ADAM23: variants seen among roughly 807,000 people sequenced by gnomAD.
The protein encoded by ADAM23 is disintegrin and metalloproteinase domain-containing protein 23.
In ADAM23, 33 loss-of-function variants were observed where a neutral mutation model predicts 120.1. That is an observed-to-expected ratio of 0.27 (90% confidence interval 0.21 to 0.37). The LOEUF (loss-of-function observed/expected upper bound fraction) is 0.37. Among genes scored for constraint, ADAM23 ranks in the 10% least tolerant of loss-of-function variants. The pLI, the probability that ADAM23 is intolerant of heterozygous loss-of-function variation, is 1.00. For synonymous variants in ADAM23, 367 were observed against 375.2 expected, an observed-to-expected ratio of 0.98 and a Z score of 0.25; for missense variants, 862 against 1,058.2, an observed-to-expected ratio of 0.81 and a Z score of 2.57.
intron 2 of ADAM23, among the ~76,000 whole-genome samples, chr2:206,460,432 A>G (rs866220561): frequency 6.6e-6 from 1 of 152,156 alleles, no homozygotes; most frequent in Admixed American, 6.5e-5. Context: ...CACTCTAATG[A>G]GTATGAAGTG....
intron 2 of ADAM23, among the ~76,000 whole-genome samples, chr2:206,459,498 G>T (rs1265077315): frequency 6.6e-6 from 1 of 151,980 alleles, no homozygotes; most frequent in Non-Finnish European, 1.5e-5. Flanking sequence ...AGAGTTCTTG[G>T]ACTTCCCTTA....
intron 3 of ADAM23, among the ~76,000 whole-genome samples, chr2:206,510,085 C>G (rs1166554626): frequency 1.3e-5 from 2 of 152,114 alleles, no homozygotes. Context: ...TAGTTCCTTC[C>G]TAGTTTTTGC....
chr2:206,464,771 G>A (rs550960996), intron 2 of ADAM23, among the ~76,000 whole-genome samples: 6 of 152,034 alleles, frequency 3.9e-5, no homozygotes, highest in East Asian at 1.9e-4. Context: ...AGAACTGGGC[G>A]GGGGAGGCTA....
chr2:206,558,591 C>T (rs1053804810), intron 10 of ADAM23, among the ~76,000 whole-genome samples: 1 of 152,122 alleles, frequency 6.6e-6, no homozygotes, highest in Non-Finnish European at 1.5e-5. Context: ...TATTAATTTT[C>T]TTTAATTTCA....
At chr2:206,480,066 T>C (rs1219356980) in intron 2 of ADAM23, among the ~76,000 whole-genome samples, 2 of 152,024 alleles carry the variant, frequency 1.3e-5, no homozygotes, top group African/African-American at 4.8e-5. Context: ...CCCTGTGATA[T>C]ATGTTGTGGA....
intron 6 of ADAM23, among the ~76,000 whole-genome samples, chr2:206,546,970 A>G (rs1697411731): frequency 6.6e-6 from 1 of 152,130 alleles, no homozygotes; most frequent in Non-Finnish European, 1.5e-5. Context: ...CTATGCTACC[A>G]ATTTCCTCTT....
intron 14 of ADAM23, 70 bp from the exon 15 acceptor site, chr2:206,567,153 G>A (rs1697902418): frequency 8.6e-7 from 1 of 1,167,902 alleles, no homozygotes; most frequent in African/African-American, 1.5e-5. Context: ...CTAATTTAGG[G>A]GTTTTAATTT....
intron 3 of ADAM23, among the ~76,000 whole-genome samples, chr2:206,514,510 T>C (rs959986759): frequency 1.3e-5 from 2 of 152,156 alleles, no homozygotes; most frequent in Admixed American, 6.5e-5. Context: ...AAGAGTTACT[T>C]AAGTGGTTTC....
At chr2:206,481,573 A>G (rs1405934289) in intron 3 of ADAM23, among the ~76,000 whole-genome samples, 1 of 152,224 alleles carries the variant, frequency 6.6e-6, no homozygotes, top group Non-Finnish European at 1.5e-5. Flanking sequence ...CCAGTTAATT[A>G]AATGTTAATT....
intron 3 of ADAM23, among the ~76,000 whole-genome samples, chr2:206,498,367 C>CT (rs1473746454): frequency 6.6e-6 from 1 of 152,146 alleles, no homozygotes; most frequent in African/African-American, 2.4e-5. Context: ...ACTATCTGAT[C>CT]TTTGACAAAC....
Position 206,594,863 on chromosome 2 carries a change from C to G in ADAM23, c.2205C>G (p.Ser735Arg), listed in dbSNP as rs771318045. 6.2e-7 allele frequency: 1 copy of G among 1,613,976 alleles called. No individual in the cohort carries two copies. Among genetic ancestry groups the G allele is most frequent in the African/African-American group, 1.3e-5 (1 of 74,914 alleles). Reference protein sequence around the residue: ...CLQIQALNMSSCPLDSKGKVC... With the variant: ...CLQIQALNMSRCPLDSKGKVC... ...AAATTCAAGCCCTAAATATGAGCAG[C>G]TGTCCACTCGATTCCAAGGGTAAAG... Residue 735 changes from serine (S) to arginine (R), a missense_variant, in exon 23 of 26, where the codon AGC becomes AGG. Transcript: ENST00000264377.
chr2:206,547,226 T>G lies in ADAM23; in HGVS notation c.721-203T>G, dbSNP rs183105056. Among the ~76,000 whole-genome samples the G allele has an allele frequency of 4.5e-4, 69 of 152,332 alleles. 1 individual carries two copies. Among genetic ancestry groups the G allele is most frequent in the African/African-American group, 1.4e-3 (60 of 41,586 alleles). The stretch of plus-strand genomic sequence containing the variant: ...AAGAGTAACCAGTAACACTATGTTT[T>G]TATCTAAACTGGGGCAATTAGATGA... On this transcript the variant is annotated intron_variant, in intron 6 of 25. Coordinates refer to ENST00000264377, the MANE Select transcript of ADAM23 (RefSeq NM_003812.4).
chr2:206,543,514 A>T (rs1461298139), intron 6 of ADAM23, among the ~76,000 whole-genome samples, 198 bp downstream of exon 6: 2 of 152,190 alleles, frequency 1.3e-5, no homozygotes, highest in African/African-American at 4.8e-5. Context: ...ATAGTAAAAG[A>T]CATCAAACAT....
chr2:206,492,074 T>TA (rs765838563), intron 3 of ADAM23, among the ~76,000 whole-genome samples: 3 of 152,182 alleles, frequency 2.0e-5, no homozygotes, highest in Non-Finnish European at 4.4e-5. Context: ...TCATGAAGCT[T>TA]ATAGAACAAT....
chr2:206,607,175 G>A (rs1259555309), intron 24 of ADAM23: 1 of 152,208 alleles, frequency 6.6e-6, no homozygotes. Flanking sequence ...TATGGACTGT[G>A]AAGCTGGTTA....
rs189507190 is a variant in ADAM23, at chr2:206,483,299, A to G, written c.509+1991A>G. ...CTGAAATGGGCAGTACCAGGGAACA[A>G]ACAGGTTAAATGGTGAAGGGAAGAG... On this transcript the variant is annotated intron_variant, in intron 3 of 25. Coordinates refer to ENST00000264377, the MANE Select transcript of ADAM23 (RefSeq NM_003812.4). 4.9e-3 allele frequency among the ~76,000 whole-genome samples: 747 copies of G among 152,264 alleles called. 2 individuals are homozygous for G. Among genetic ancestry groups the G allele is most frequent in the Middle Eastern group, 0.014 (4 of 294 alleles).
At position 206,528,287 on chromosome 2, in the gene ADAM23, A is replaced by G. The variant is rs570524381; in HGVS notation, c.510-2598A>G. 9.5e-4 allele frequency among the ~76,000 whole-genome samples: 144 copies of G among 152,356 alleles called. 1 individual carries two copies. The highest frequency in any genetic ancestry group is 3.3e-3 in the African/African-American group (139 of 41,582). On this transcript the variant is annotated intron_variant, in intron 3 of 25. Coordinates refer to ENST00000264377, the MANE Select transcript of ADAM23 (RefSeq NM_003812.4). ...GTGCTGGTAGCCAACTTAATTAACTAGCAGTGAAATAAGTTTCTGCACCCT... is the reference window on the plus strand; with the variant it reads ...GTGCTGGTAGCCAACTTAATTAACTGGCAGTGAAATAAGTTTCTGCACCCT...
intron 3 of ADAM23, among the ~76,000 whole-genome samples, chr2:206,517,463 A>G (rs1285547775): frequency 6.6e-6 from 1 of 152,108 alleles, no homozygotes. Flanking sequence ...TTCATCAACA[A>G]ATGTTAGAAT....
intron 3 of ADAM23, among the ~76,000 whole-genome samples, chr2:206,520,794 G>A (rs981588539): frequency 1.3e-5 from 2 of 152,030 alleles, no homozygotes; most frequent in Non-Finnish European, 2.9e-5. Flanking sequence ...AGCCTTCCAA[G>A]TTCTGAGTTC....
Sources: allele counts gnomAD v4.1 joint callset (sites outside exome capture counted in the v4.1 genomes callset), GRCh38; gene constraint gnomAD v4.1.1; transcripts MANE v1.5; gene names NCBI Gene and HGNC (gene_info 2026-07-23, HGNC 2026-07-21).